Variants in MGMT observed in about 807,000 individuals in gnomAD.
The protein encoded by MGMT is methylated-DNA--protein-cysteine methyltransferase.
In MGMT, 14 loss-of-function variants were observed where a neutral mutation model predicts 15.9. That is an observed-to-expected ratio of 0.88 (90% CI 0.58 to 1.37). MGMT has a LOEUF of 1.37. Ranked by LOEUF, MGMT falls within the 40% of genes most tolerant of loss-of-function variation. The pLI, the probability that MGMT is intolerant of heterozygous loss-of-function variation, is 0.00. For missense variants in MGMT, 282 were observed against 268.1 expected, an observed-to-expected ratio of 1.05 and a Z score of -0.36; for synonymous variants, 130 against 118.2, an observed-to-expected ratio of 1.10 and a Z score of -0.65.
At chr10:129,657,729 C>CACACACACACCCA (rs1564750921) in intron 2 of MGMT, among the ~76,000 whole-genome samples, 2 of 122,292 alleles carry the variant, frequency 1.6e-5, no homozygotes, top group African/African-American at 6.5e-5. Context: ...ACACACACAC[C>CACACACACACCCA]CCCTCTCCCC....
intron 1 of MGMT, among the ~76,000 whole-genome samples, chr10:129,510,008 G>T (rs1845664212): frequency 6.6e-6 from 1 of 152,202 alleles, no homozygotes. Flanking sequence ...AGGTTGCCGT[G>T]CCAGGATGCA....
intron 2 of MGMT, among the ~76,000 whole-genome samples, chr10:129,602,643 A>C (rs777579978): frequency 4.6e-5 from 7 of 152,194 alleles, no homozygotes; most frequent in African/African-American, 7.2e-5. Context: ...CACAAGATAC[A>C]TGGGAGGCAA....
chr10:129,569,149 T>G (rs1846388466), intron 2 of MGMT, among the ~76,000 whole-genome samples: 1 of 152,142 alleles, frequency 6.6e-6, no homozygotes, highest in Non-Finnish European at 1.5e-5. Flanking sequence ...GTTGAACTCG[T>G]GAGCTGTGAC....
At chr10:129,552,614 G>A (rs774538838) in intron 2 of MGMT, among the ~76,000 whole-genome samples, 2 of 152,218 alleles carry the variant, frequency 1.3e-5, no homozygotes, top group East Asian at 1.9e-4. Flanking sequence ...ATTCTGCATC[G>A]CAGGCACATC....
At chr10:129,738,917 C>T (rs1040554278) in intron 3 of MGMT, among the ~76,000 whole-genome samples, 1 of 152,186 alleles carries the variant, frequency 6.6e-6, no homozygotes, top group Non-Finnish European at 1.5e-5. Flanking sequence ...AAAATGCTGG[C>T]AAACCGAATC....
chr10:129,545,429 G>A (rs937530737), intron 2 of MGMT, among the ~76,000 whole-genome samples: 1 of 152,194 alleles, frequency 6.6e-6, no homozygotes, highest in Non-Finnish European at 1.5e-5. Flanking sequence ...ATTTGTCCTC[G>A]TGATATCACT....
intron 2 of MGMT, among the ~76,000 whole-genome samples, chr10:129,642,175 C>T (rs1215648707): frequency 1.3e-5 from 2 of 151,966 alleles, no homozygotes; most frequent in East Asian, 3.9e-4. Context: ...TGCCTCTTCA[C>T]TCCCTACATG....
At chr10:129,721,635 C>G (rs1848372559) in intron 3 of MGMT, among the ~76,000 whole-genome samples, 1 of 152,040 alleles carries the variant, frequency 6.6e-6, no homozygotes, top group Non-Finnish European at 1.5e-5. Flanking sequence ...GAAGATGAGA[C>G]TGGGGAAATG....
intron 1 of MGMT, among the ~76,000 whole-genome samples, chr10:129,494,406 C>T (rs4750751): frequency 0.06 from 9,141 of 152,238 alleles, 382 homozygotes; most frequent in Admixed American, 0.079. Context: ...TGCTCAGTGG[C>T]CAGCCACTTG....
At chr10:129,569,827 T>C (rs1242307468) in intron 2 of MGMT, among the ~76,000 whole-genome samples, 1 of 152,216 alleles carries the variant, frequency 6.6e-6, no homozygotes, top group Non-Finnish European at 1.5e-5. Flanking sequence ...GGTGACCTTA[T>C]AGGTATTGGG....
At chr10:129,479,945 A>G (rs1402682165) in intron 1 of MGMT, among the ~76,000 whole-genome samples, 1 of 152,226 alleles carries the variant, frequency 6.6e-6, no homozygotes, top group African/African-American at 2.4e-5. Context: ...AGAAATTAGC[A>G]GTGAGAAATT....
At chr10:129,507,211 C>G (rs1845634846) in intron 1 of MGMT, among the ~76,000 whole-genome samples, 1 of 152,186 alleles carries the variant, frequency 6.6e-6, no homozygotes, top group Admixed American at 6.5e-5. Flanking sequence ...TTGGAGCCAG[C>G]CTCTCCAGGG....
At chr10:129,651,231 C>T (rs1006183133) in intron 2 of MGMT, among the ~76,000 whole-genome samples, 11 of 152,166 alleles carry the variant, frequency 7.2e-5, no homozygotes, top group African/African-American at 2.7e-4. Context: ...CCCGTCTTGG[C>T]CTCAGCCTTC....
chr10:129,574,652 C>G (rs945050072), intron 2 of MGMT, among the ~76,000 whole-genome samples: 1 of 152,246 alleles, frequency 6.6e-6, no homozygotes, highest in East Asian at 1.9e-4. Flanking sequence ...GTAGGTTGTC[C>G]TGTACGTCTA....
At chr10:129,690,005 T>C (rs571041736) in intron 2 of MGMT, among the ~76,000 whole-genome samples, 1 of 152,342 alleles carries the variant, frequency 6.6e-6, no homozygotes, top group South Asian at 2.1e-4. Flanking sequence ...CCTAGGTCTG[T>C]GAATGTTTGT....
intron 1 of MGMT, among the ~76,000 whole-genome samples, chr10:129,490,536 T>A (rs1845459351): frequency 6.6e-6 from 1 of 152,146 alleles, no homozygotes; most frequent in African/African-American, 2.4e-5. Context: ...ACTGGTTAGG[T>A]TAATTATATG....
rs141461533 is a variant in MGMT at position 129,607,476 on chromosome 10, T to A, written c.125+71099T>A. On this transcript the variant is annotated intron_variant, in intron 2 of 4. Transcript: ENST00000651593. ...GGACTGGCTGCTGCCAGGGTGTTTGTGTTTTGCTTTGTTTTGTTTGCAGAG... is the reference window on the plus strand; with the variant it reads ...GGACTGGCTGCTGCCAGGGTGTTTGAGTTTTGCTTTGTTTTGTTTGCAGAG... 5.1e-3 allele frequency among the ~76,000 whole-genome samples: 784 copies of A among 152,280 alleles called. 6 individuals are homozygous for A. The highest frequency in any genetic ancestry group is 7.6e-3 in the Non-Finnish European group (517 of 68,030).
At chr10:129,503,473 C>T (rs527633114) in intron 1 of MGMT, among the ~76,000 whole-genome samples, 5 of 152,178 alleles carry the variant, frequency 3.3e-5, no homozygotes, top group Admixed American at 6.5e-5. Context: ...CTTGACTTGT[C>T]GATGAGAAGT....
chr10:129,716,027 T>G (rs1848291891), intron 3 of MGMT, among the ~76,000 whole-genome samples: 1 of 152,124 alleles, frequency 6.6e-6, no homozygotes, highest in Non-Finnish European at 1.5e-5. Flanking sequence ...GATGGGAACA[T>G]CCTCAAGACA....
Sources: gnomAD v4.1 joint callset for allele counts (sites outside exome capture counted in the v4.1 genomes callset) on GRCh38, gnomAD v4.1.1 for gene constraint, MANE v1.5 for transcripts, NCBI Gene and HGNC (gene_info 2026-07-23, HGNC 2026-07-21) for gene names.